DMD: variants seen among roughly 807,000 people sequenced by gnomAD.
DMD encodes the protein mutant dystrophin.
A neutral mutation model predicts 330.1 loss-of-function variants in DMD; 63 were observed. The ratio of observed to expected loss-of-function variants is 0.19; its 90% CI spans 0.16 to 0.24. The LOEUF (loss-of-function observed/expected upper bound fraction) is 0.24, where lower values mean the gene tolerates loss of function less well. DMD is among the 10% of genes least tolerant of loss of function. The pLI, the probability that DMD is intolerant of heterozygous loss-of-function variation, is 1.00. For synonymous variants in DMD, 1,223 were observed against 959.8 expected (o/e 1.27, Z -5.07); for missense variants, 3,344 against 2,684.1 (o/e 1.25, Z -5.43).
At chrX:32,248,298 A>C (rs1442200022) in intron 43 of DMD, among the ~76,000 whole-genome samples, 2 of 111,660 alleles carry the variant, frequency 1.8e-5, no homozygotes, top group Non-Finnish European at 3.8e-5. Context: ...GTGGTAGAGG[A>C]GATTTACAAA....
At chrX:32,789,674 C>A (rs1050029008) in intron 7 of DMD, among the ~76,000 whole-genome samples, 6 of 111,817 alleles carry the variant, frequency 5.4e-5, no homozygotes, top group Admixed American at 1.9e-4. Context: ...GCTCTCTAAG[C>A]CTCAGTTTTT....
intron 60 of DMD, among the ~76,000 whole-genome samples, chrX:31,389,192 G>A (rs73617082): frequency 3.7e-3 from 409 of 111,773 alleles, no homozygotes; most frequent in African/African-American, 0.013. Flanking sequence ...GATTATTTGT[G>A]CAACAGGCAT....
At chrX:32,538,183 G>A (rs2048166542) in intron 17 of DMD, among the ~76,000 whole-genome samples, 1 of 112,447 alleles carries the variant, frequency 8.9e-6, no homozygotes, top group Admixed American at 9.4e-5. Context: ...CCCAAGCTAA[G>A]CCATCCTTTC....
In DMD at chrX:32,330,576, G is replaced by C. The variant is rs1467791981; in HGVS notation, c.5922+11524C>G. 2.7e-5 allele frequency among the ~76,000 whole-genome samples: 3 copies of C among 111,969 alleles called. No homozygotes were observed. In the Admixed American group the frequency reaches 2.9e-4, roughly 11 times the overall value. ...ATTTTCAAAGCAAATTTAGATTGGA[G>C]AAAATTACACTTTATATTGTTGTGT... On this transcript the variant is annotated intron_variant, in intron 41 of 78. Coordinates refer to ENST00000357033, the MANE Select transcript of DMD (RefSeq NM_004006.3).
chrX:32,123,202 CATAT>C (rs59017074), intron 44 of DMD, among the ~76,000 whole-genome samples: 3,031 of 32,435 alleles, frequency 0.093, 120 homozygotes, highest in Admixed American at 0.15. Flanking sequence ...TGTGAGCATG[CATAT>C]ATATATATAT....
At chrX:32,143,892 G>A (rs1263864231) in intron 44 of DMD, among the ~76,000 whole-genome samples, 1 of 109,623 alleles carries the variant, frequency 9.1e-6, no homozygotes, top group Non-Finnish European at 1.9e-5. Flanking sequence ...AGATACTGAA[G>A]ACTGTCATTC....
chrX:31,140,835 C>T (rs1253511818), intron 76 of DMD, among the ~76,000 whole-genome samples: 1 of 112,000 alleles, frequency 8.9e-6, no homozygotes, highest in Non-Finnish European at 1.9e-5. Context: ...AGACTTACAT[C>T]CTGTCCTTAA....
intron 41 of DMD, among the ~76,000 whole-genome samples, chrX:32,325,046 T>C (rs1448719787): frequency 9.0e-6 from 1 of 111,539 alleles, no homozygotes; most frequent in Non-Finnish European, 1.9e-5. Flanking sequence ...TGTTTCTAAT[T>C]GACTGTTATA....
At chrX:31,760,942 A>ATTTTT (rs35766737) in intron 51 of DMD, among the ~76,000 whole-genome samples, 5 of 80,912 alleles carry the variant, frequency 6.2e-5, no homozygotes, top group Admixed American at 1.5e-4. Flanking sequence ...CCTAGTTAGT[A>ATTTTT]TTTTTTTTTT....
At chrX:32,421,440 C>G (rs1364255391) in intron 29 of DMD, among the ~76,000 whole-genome samples, 1 of 109,713 alleles carries the variant, frequency 9.1e-6, no homozygotes, top group African/African-American at 3.3e-5. Context: ...GTGTATGGAA[C>G]AGCTGCTTTT....
At chrX:31,216,986 A>G (rs1045814044) in intron 64 of DMD, among the ~76,000 whole-genome samples, 1 of 111,450 alleles carries the variant, frequency 9.0e-6, no homozygotes, top group African/African-American at 3.3e-5. Flanking sequence ...ATTTAGCCCT[A>G]TGGTTTGGGC....
chrX:32,500,271 T>C (rs765018464), intron 19 of DMD, among the ~76,000 whole-genome samples: 2 of 111,552 alleles, frequency 1.8e-5, no homozygotes, highest in Admixed American at 9.6e-5. Context: ...ATCTGGTCAA[T>C]TAATATTTAC....
At chrX:31,361,172 G>A (rs2058918657) in intron 60 of DMD, among the ~76,000 whole-genome samples, 1 of 108,878 alleles carries the variant, frequency 9.2e-6, no homozygotes, top group South Asian at 3.8e-4. Context: ...CCATCTTTAG[G>A]GGAAGTTCCA....
At chrX:31,290,548 G>T (rs1603303964) in intron 62 of DMD, among the ~76,000 whole-genome samples, 1 of 111,540 alleles carries the variant, frequency 9.0e-6, no homozygotes, top group East Asian at 2.8e-4. Context: ...AGACTACAAG[G>T]ACAGTAGTCT....
At chrX:32,418,069 C>A (rs1374105850) in intron 29 of DMD, among the ~76,000 whole-genome samples, 2 of 111,088 alleles carry the variant, frequency 1.8e-5, no homozygotes, top group Non-Finnish European at 3.8e-5. Flanking sequence ...AACAAGGAAG[C>A]ATATTAAATT....
At chrX:32,720,970 AT>A (rs1284050492) in intron 7 of DMD, among the ~76,000 whole-genome samples, 2 of 110,260 alleles carry the variant, frequency 1.8e-5, no homozygotes, top group Non-Finnish European at 3.8e-5. Flanking sequence ...AACGTAGCAT[AT>A]TTTTTTCTGT....
chrX:31,517,168 T>A (rs1364559865), intron 55 of DMD, among the ~76,000 whole-genome samples: 1 of 111,963 alleles, frequency 8.9e-6, no homozygotes, highest in African/African-American at 3.2e-5. Flanking sequence ...ACCTATTGTA[T>A]GTCTATAAGT....
At chrX:32,879,376 C>T (rs111772591) in intron 2 of DMD, among the ~76,000 whole-genome samples, 1,263 of 111,826 alleles carry the variant, frequency 0.011, 20 homozygotes, top group African/African-American at 0.039. Context: ...GTTGCTTATT[C>T]ACCAGTTTGA....
intron 55 of DMD, among the ~76,000 whole-genome samples, chrX:31,573,612 C>T (rs1301560863): frequency 1.8e-5 from 2 of 111,999 alleles, no homozygotes; most frequent in South Asian, 7.4e-4. Context: ...AGAAAAACAT[C>T]TACTTCTTCT....
Sources: allele counts gnomAD v4.1 joint callset (sites outside exome capture counted in the v4.1 genomes callset), GRCh38; gene constraint gnomAD v4.1.1; transcripts MANE v1.5; gene names NCBI Gene and HGNC (gene_info 2026-07-23, HGNC 2026-07-21).